GPN3: variants seen among roughly 807,000 people sequenced by gnomAD.
The protein encoded by GPN3 is ATP-binding domain 1 family member C.
In GPN3, 31 loss-of-function variants were observed where a neutral mutation model predicts 38.7. The observed-to-expected ratio is 0.80, with a 90% confidence interval of 0.60 to 1.08. The LOEUF (loss-of-function observed/expected upper bound fraction) is 1.08. Ranked by LOEUF, GPN3 falls within the 50% of genes least tolerant of loss-of-function variation. The pLI, the probability that GPN3 is intolerant of heterozygous loss-of-function variation, is 0.00. For synonymous variants in GPN3, 116 were observed against 120.2 expected, an observed-to-expected ratio of 0.96 and a Z score of 0.23; for missense variants, 301 against 354.4, an observed-to-expected ratio of 0.85 and a Z score of 1.21.
rs766510606 is a variant in GPN3, at chr12:110,468,136, T to C, written c.48+20A>G. On this transcript the variant is annotated intron_variant, in intron 1 of 7. Coordinates refer to ENST00000228827, the MANE Select transcript of GPN3 (RefSeq NM_016301.4). ...TCCACGAACTCCTACTTTTCTCTCC[T>C]TGTCCCCGCAGATCCTCACCTTCCC... 3.1e-6 allele frequency: 5 copies of C among 1,613,920 alleles called. No individual in the cohort carries two copies. Among genetic ancestry groups the C allele is most frequent in the Non-Finnish European group, 4.2e-6 (5 of 1,180,036 alleles).
chr12:110,453,883 G>A lies in GPN3; in HGVS notation c.664-12C>T. 1.9e-6 allele frequency: 3 copies of A among 1,585,696 alleles called. No homozygotes were observed. Among genetic ancestry groups the A allele is most frequent in the Non-Finnish European group, 2.6e-6 (3 of 1,164,406 alleles). On this transcript the variant is annotated splice_polypyrimidine_tract_variant and intron_variant, in intron 6 of 7. Coordinates refer to ENST00000228827, the MANE Select transcript of GPN3 (RefSeq NM_016301.4). ...CTGTAGTCATCAATCTACAAGTTGT[G>A]GATTTCAAGAAAAGTTCATTCTGAA...
At chr12:110,468,721 C>T (rs2062656894), upstream of GPN3, 3 of 1,503,310 alleles carry the variant, frequency 2.0e-6, no homozygotes, top group African/African-American at 1.4e-5. Flanking sequence ...CCTGCCCCTC[C>T]CCCACCGTAA....
intron 3 of GPN3, 143 bp downstream of exon 3, chr12:110,459,552 C>T (rs2062572756): frequency 7.4e-6 from 5 of 679,338 alleles, no homozygotes; most frequent in Non-Finnish European, 1.3e-5. Context: ...AACAGATATA[C>T]TTAGTAAGTG....
intron 4 of GPN3, among the ~76,000 whole-genome samples, chr12:110,456,606 T>C (rs2135516137): frequency 6.6e-6 from 1 of 152,038 alleles, no homozygotes; most frequent in Non-Finnish European, 1.5e-5. Flanking sequence ...GTTCATAAAC[T>C]GGACAAAAGG....
chr12:110,465,084 G>C (rs1476827993), intron 2 of GPN3, 22 bp downstream of exon 2: 1 of 1,256,416 alleles, frequency 8.0e-7, no homozygotes, highest in African/African-American at 1.5e-5. Flanking sequence ...GAAGGTGGGG[G>C]GAGCCTTTGC....
intron 2 of GPN3, chr12:110,460,957 C>G (rs2062583374): frequency 9.6e-7 from 1 of 1,036,884 alleles, no homozygotes; most frequent in Non-Finnish European, 1.5e-6. Context: ...GAGCAAGACT[C>G]CATCTCACTT....
upstream of GPN3, chr12:110,468,675 G>GGTGCAAAC: frequency 6.5e-7 from 1 of 1,533,898 alleles, no homozygotes; most frequent in Non-Finnish European, 8.7e-7. Flanking sequence ...TCCACAGAGA[G>GGTGCAAAC]GTGCAAACGT....
upstream of GPN3, chr12:110,468,452 T>C (rs2062653701): frequency 6.5e-7 from 1 of 1,535,918 alleles, no homozygotes; most frequent in Non-Finnish European, 8.7e-7. Context: ...GCCGTTGGGA[T>C]GCTGTCTAAG....
intron 4 of GPN3, 127 bp downstream of exon 4, chr12:110,457,383 C>G: frequency 1.8e-6 from 1 of 570,542 alleles, no homozygotes; most frequent in Non-Finnish European, 2.6e-6. Context: ...AACTGGGAGG[C>G]GGAGGTTGCA....
rs559493109 is a variant in GPN3 at position 110,452,888 on chromosome 12, T to C, written c.*146A>G. The C allele has an allele frequency of 2.2e-5, 14 of 634,776 alleles. No individual in the cohort carries two copies. The highest frequency in any genetic ancestry group is 2.1e-4 in the South Asian group (12 of 58,480). The allele number at this position is 634,776 out of a possible 1,614,324, so 39.3% of individuals were successfully genotyped here. ...CAGCAGTTTCAGAATAATTAAAAAT[T>C]TGATTCAGGCATGAGGCTGATAAAG... On this transcript the variant is annotated 3_prime_UTR_variant, in exon 8 of 8. Transcript: ENST00000228827.
chr12:110,453,070 CAT>C lies in GPN3; in HGVS notation c.817_818del (p.Met273ValfsTer2). 6.8e-7 allele frequency: 1 copy of C among 1,477,740 alleles called. No individual in the cohort carries two copies. The highest frequency in any genetic ancestry group is 9.5e-7 in the Non-Finnish European group (1 of 1,057,524). 91.5% of individuals were successfully genotyped at this position (1,477,740 alleles called of 1,614,324 possible). A position where few individuals can be genotyped will look rare whatever the true frequency, so the allele number is the denominator to read the frequency against. On this transcript the variant is annotated frameshift_variant, in exon 8 of 8. Transcript: ENST00000228827. LOFTEE classifies it high-confidence loss of function. ...GGCATTCTTGAAAATATTCGTCAAA[CAT>C]AGAGGAAGACTCATCTTCACGTTCC... ...PKEREDESSS[M>X]FDEYFQECQD...
rs140860490 is a variant in GPN3, at chr12:110,465,233, T to A, written c.49-19A>T. 4 of 1,409,028 alleles carry A rather than the reference T, an allele frequency of 2.8e-6. No homozygotes were observed. In the African/African-American group the frequency reaches 4.2e-5, roughly 15 times the overall value. 87.3% of individuals were successfully genotyped at this position (1,409,028 alleles called of 1,614,324 possible). On this transcript the variant is annotated intron_variant, in intron 1 of 7. Transcript: ENST00000228827. ...AGGTGCTCTGTAATGTCACAAGGCATGAGAGGTTAAAGCAACAGGTAGTGT... is the reference window on the plus strand; with the variant it reads ...AGGTGCTCTGTAATGTCACAAGGCAAGAGAGGTTAAAGCAACAGGTAGTGT...
Position 110,452,649 on chromosome 12 carries a change from T to C in GPN3, c.*385A>G, listed in dbSNP as rs2062520650. Reference sequence around the variant, plus strand: ...TACAGATAAGCAGTGGTCTTATATATATCCTTGCAGCTTTTTCCCTTCGGA... The same window carrying C: ...TACAGATAAGCAGTGGTCTTATATACATCCTTGCAGCTTTTTCCCTTCGGA... On this transcript the variant is annotated 3_prime_UTR_variant, in exon 8 of 8. Transcript: ENST00000228827. 4.9e-6 allele frequency: 1 copy of C among 204,786 alleles called. No individual in the cohort carries two copies. Among genetic ancestry groups the C allele is most frequent in the African/African-American group, 2.4e-5 (1 of 41,916 alleles). 12.7% of individuals were successfully genotyped at this position (204,786 alleles called of 1,614,324 possible). A position where few individuals can be genotyped will look rare whatever the true frequency, so the allele number is the denominator to read the frequency against.
At position 110,468,239 on chromosome 12, in the gene GPN3, C is replaced by A. The variant is rs534643397; in HGVS notation, c.-36G>T. 1 of 1,606,460 alleles carries A rather than the reference C, an allele frequency of 6.2e-7. No individual in the cohort carries two copies. Among genetic ancestry groups the A allele is most frequent in the African/African-American group, 1.3e-5 (1 of 75,038 alleles). ...GGAGCCGCCCGCCACACTCCCTTAG[C>A]CTTCGCGCGACGCCCACTGAGCTCC... is the stretch of plus-strand genomic sequence containing the variant. On this transcript the variant is annotated 5_prime_UTR_variant, in exon 1 of 8. Transcript: ENST00000228827.
intron 2 of GPN3, among the ~76,000 whole-genome samples, chr12:110,463,670 G>GC (rs2062607924): frequency 7.2e-6 from 1 of 139,564 alleles, no homozygotes; most frequent in African/African-American, 2.7e-5. Context: ...ATGGTGGCAC[G>GC]CATCTGTAGT....
At chr12:110,455,163 G>A (rs1055358840) in intron 6 of GPN3, among the ~76,000 whole-genome samples, 1 of 151,448 alleles carries the variant, frequency 6.6e-6, no homozygotes, top group Non-Finnish European at 1.5e-5. Flanking sequence ...TTACTCTGTC[G>A]CCCAGGCTGG....
intron 1 of GPN3, among the ~76,000 whole-genome samples, chr12:110,466,077 CAAAA>C (rs879788319): frequency 8.2e-6 from 1 of 122,150 alleles, no homozygotes. Context: ...ACTCCTGGCT[CAAAA>C]AAAAAAAAAA....
intron 2 of GPN3, among the ~76,000 whole-genome samples, chr12:110,460,738 G>C (rs1403422959): frequency 6.6e-6 from 1 of 152,178 alleles, no homozygotes; most frequent in East Asian, 1.9e-4. Context: ...AGGCCGAGGT[G>C]GGGGGATCAT....
chr12:110,459,570 T>C (rs1245643128), intron 3 of GPN3, 125 bp downstream of exon 3: 12 of 721,538 alleles, frequency 1.7e-5, no homozygotes, highest in African/African-American at 3.5e-5. Context: ...GTGACAGCCA[T>C]TGAATAAGCT....
Sources: allele counts gnomAD v4.1 joint callset (sites outside exome capture counted in the v4.1 genomes callset), GRCh38; gene constraint gnomAD v4.1.1; transcripts MANE v1.5; gene names NCBI Gene and HGNC (gene_info 2026-07-23, HGNC 2026-07-21).